The following SATB2 variants were observed in gnomAD, a reference collection of about 807,000 sequenced individuals.
SATB2 encodes DNA-binding protein SATB2.
SATB2 carries 1 observed loss-of-function variant against 73.4 expected under a neutral mutation model. That is an observed-to-expected ratio of 0.01 (90% CI 0.00 to 0.06). SATB2 has a LOEUF of 0.06. SATB2 is among the 10% of genes least tolerant of loss of function. SATB2 has a pLI of 1.00. For missense variants in SATB2, 459 were observed against 945.8 expected, an observed-to-expected ratio of 0.49 and a Z score of 6.75; for synonymous variants, 397 against 367.0, an observed-to-expected ratio of 1.08 and a Z score of -0.93.
In SATB2 at chr2:199,381,713, A is replaced by G. The variant is rs759337821; in HGVS notation, c.454T>C (p.Leu152=). 9.9e-6 allele frequency: 16 copies of G among 1,614,130 alleles called. No individual in the cohort carries two copies. The highest frequency in any genetic ancestry group is 3.3e-5 in the South Asian group (3 of 91,082). Residue 152 remains leucine, a synonymous_variant, in exon 4 of 11, where the codon TTG becomes CTG. Transcript: ENST00000417098. ...ACCCACCTTTGTAATTGGATTTTCA[A>G]CGTCACAACATGATAGACATCTTGT... is the stretch of plus-strand genomic sequence containing the variant. ...MLQDVYHVVT[L]KIQLQSCSKL...
intron 6 of SATB2, among the ~76,000 whole-genome samples, chr2:199,367,724 CA>C (rs1689328915): frequency 1.3e-5 from 2 of 152,126 alleles, no homozygotes; most frequent in South Asian, 4.1e-4. Context: ...GAAGGACCAT[CA>C]AAACCAATGT....
At chr2:199,373,878 C>T (rs955955020) in intron 5 of SATB2, among the ~76,000 whole-genome samples, 1 of 152,112 alleles carries the variant, frequency 6.6e-6, no homozygotes, top group Non-Finnish European at 1.5e-5. Context: ...ATGATGCATC[C>T]CCACTACATA....
upstream of SATB2, chr2:199,469,894 T>A (rs1039298240): frequency 6.6e-6 from 1 of 152,394 alleles, no homozygotes; most frequent in Non-Finnish European, 1.5e-5. Flanking sequence ...TAGAGAAAGC[T>A]GTGTGTATTG....
At position 199,434,974 on chromosome 2, in the gene SATB2, TAAC is replaced by T. The variant is rs1410112488; in HGVS notation, c.170-1463_170-1461del. ...TGTAATTATTAAATATAATCCTTATTAACAATAATAATACTCATTAAGAATTGT... is the reference window on the plus strand; with the variant it reads ...TGTAATTATTAAATATAATCCTTATTAATAATAATACTCATTAAGAATTGT... On this transcript the variant is annotated intron_variant, in intron 2 of 10. Transcript: ENST00000417098. Among the ~76,000 whole-genome samples the T allele has an allele frequency of 4.6e-5, 7 of 152,276 alleles. No individual in the cohort carries two copies. In the East Asian group the frequency reaches 1.4e-3, roughly 29 times the overall value.
intron 10 of SATB2, among the ~76,000 whole-genome samples, chr2:199,297,037 T>C (rs1055236954): frequency 2.6e-5 from 4 of 152,264 alleles, no homozygotes; most frequent in Non-Finnish European, 5.9e-5. Flanking sequence ...TCATCTATTT[T>C]AAATGCACTT....
Position 199,387,782 on chromosome 2 carries a change from T to C in SATB2, c.347-5962A>G, listed in dbSNP as rs1159080448. 2.6e-5 allele frequency among the ~76,000 whole-genome samples: 4 copies of C among 152,162 alleles called. No individual in the cohort carries two copies. The East Asian group carries it at 7.7e-4, about 29-fold the overall frequency. On this transcript the variant is annotated intron_variant, in intron 3 of 10. Coordinates refer to ENST00000417098, the MANE Select transcript of SATB2 (RefSeq NM_001172509.2). ...GTACAGACCAAATAACAAAATGCAA[T>C]TGTAGGTAAATTTCCCATTAGTGAT...
intron 3 of SATB2, among the ~76,000 whole-genome samples, chr2:199,419,796 T>C (rs1458735278): frequency 6.6e-6 from 1 of 152,192 alleles, no homozygotes; most frequent in Non-Finnish European, 1.5e-5. Flanking sequence ...AATTAAATCA[T>C]CTCACTTTTC....
chr2:199,345,078 C>T (rs1166396543), intron 7 of SATB2, among the ~76,000 whole-genome samples: 1 of 152,064 alleles, frequency 6.6e-6, no homozygotes, highest in Non-Finnish European at 1.5e-5. Flanking sequence ...CTTCCTTCTC[C>T]ACCTGCCCCC....
intron 5 of SATB2, among the ~76,000 whole-genome samples, chr2:199,375,685 CAAT>C (rs1689578092): frequency 6.6e-6 from 1 of 152,150 alleles, no homozygotes; most frequent in Non-Finnish European, 1.5e-5. Context: ...AGAATTATTT[CAAT>C]AACAGGAATC....
intron 6 of SATB2, among the ~76,000 whole-genome samples, chr2:199,362,636 G>C (rs1689172679): frequency 6.6e-6 from 1 of 152,102 alleles, no homozygotes; most frequent in African/African-American, 2.4e-5. Context: ...CAATTATCTT[G>C]TGAGGAAGAA....
intron 9 of SATB2, among the ~76,000 whole-genome samples, chr2:199,321,402 C>A (rs1574503508): frequency 3.9e-5 from 2 of 51,084 alleles, no homozygotes; most frequent in African/African-American, 7.5e-5. Context: ...TCTATATACA[C>A]ACACAGATAC....
intron 6 of SATB2, among the ~76,000 whole-genome samples, chr2:199,361,513 T>G (rs1574546525): frequency 7.0e-6 from 1 of 143,694 alleles, no homozygotes; most frequent in African/African-American, 2.5e-5. Flanking sequence ...GCCTTCCCCC[T>G]CCCACCCACC....
intron 3 of SATB2, among the ~76,000 whole-genome samples, chr2:199,420,704 C>G (rs1574612468): frequency 6.6e-6 from 1 of 152,044 alleles, no homozygotes; most frequent in Non-Finnish European, 1.5e-5. Flanking sequence ...GGAAAAGCAA[C>G]TGATGATCTT....
chr2:199,320,567 T>C (rs945734451), intron 9 of SATB2, among the ~76,000 whole-genome samples: 15 of 152,032 alleles, frequency 9.9e-5, no homozygotes, highest in African/African-American at 3.4e-4. Flanking sequence ...CAGGAGGTGG[T>C]CTGGGACCCT....
chr2:199,426,982 T>A (rs886882260), intron 3 of SATB2, among the ~76,000 whole-genome samples: 2 of 152,182 alleles, frequency 1.3e-5, no homozygotes, highest in African/African-American at 4.8e-5. Flanking sequence ...CAAGTGATTC[T>A]CCTGCCTCAG....
Position 199,274,449 on chromosome 2 carries a change from T to C in SATB2, c.1741-1777A>G, listed in dbSNP as rs139266118. On this transcript the variant is annotated intron_variant, in intron 10 of 10. Coordinates refer to ENST00000417098, the MANE Select transcript of SATB2 (RefSeq NM_001172509.2). ...CCAATGTGAAACTGTCAGTCTTTTA[T>C]GTAGAACTTAACAAATATTAGGGCG... Among the ~76,000 whole-genome samples, 16 of 152,368 alleles carry C rather than the reference T, an allele frequency of 1.1e-4. No homozygotes were observed. In the East Asian group the frequency reaches 3.1e-3, roughly 29 times the overall value.
rs900945233 is a variant in SATB2 at position 199,457,148 on chromosome 2, G to A, written c.-60+191C>T. ...CACGGGTCAAGGAGACAAGGTGGGG[G>A]TGGCAGGGGGAGGTGAAAGGAAGGA... On this transcript the variant is annotated intron_variant, in intron 1 of 10. Coordinates refer to ENST00000417098, the MANE Select transcript of SATB2 (RefSeq NM_001172509.2). This position sits in a 1 kb window ranked among gnomAD's most constrained non-coding sequence, Gnocchi z 4.8. 4.6e-5 allele frequency among the ~76,000 whole-genome samples: 7 copies of A among 152,234 alleles called. No homozygotes were observed. The highest frequency in any genetic ancestry group is 1.7e-4 in the African/African-American group (7 of 41,472).
At chr2:199,303,922 T>TA (rs1687354970) in intron 10 of SATB2, among the ~76,000 whole-genome samples, 1 of 152,150 alleles carries the variant, frequency 6.6e-6, no homozygotes, top group African/African-American at 2.4e-5. Flanking sequence ...TTCCTGAACT[T>TA]ACAAAATAAC....
intron 3 of SATB2, among the ~76,000 whole-genome samples, chr2:199,410,702 A>C (rs1215523884): frequency 1.3e-5 from 2 of 152,216 alleles, no homozygotes; most frequent in East Asian, 3.9e-4. Flanking sequence ...TTATTTTAAC[A>C]GTCTGCTCAG....
Sources: allele counts gnomAD v4.1 joint callset (sites outside exome capture counted in the v4.1 genomes callset), GRCh38; gene constraint gnomAD v4.1.1; non-coding constraint Gnocchi (gnomAD v3.1); transcripts MANE v1.5; gene names NCBI Gene and HGNC (gene_info 2026-07-23, HGNC 2026-07-21).